The following DLG2 variants were observed in gnomAD, a reference collection of about 807,000 sequenced individuals.
DLG2 encodes the protein discs large MAGUK scaffold protein 2.
In DLG2, 45 loss-of-function variants were observed where a neutral mutation model predicts 132.5. The ratio of observed to expected loss-of-function variants is 0.34; its 90% CI spans 0.27 to 0.44. The LOEUF (loss-of-function observed/expected upper bound fraction) is 0.44. DLG2 is among the 20% of genes least tolerant of loss of function. DLG2 has a pLI of 1.00. For synonymous variants in DLG2, 424 were observed against 419.6 expected (o/e 1.01, Z -0.13); for missense variants, 1,045 against 1,196.9 (o/e 0.87, Z 1.87).
At chr11:85,297,820 G>A (rs895833609) in intron 3 of DLG2, among the ~76,000 whole-genome samples, 1 of 152,154 alleles carries the variant, frequency 6.6e-6, no homozygotes, top group Non-Finnish European at 1.5e-5. Context: ...GCAGACCACA[G>A]CAGAGTTACA....
intron 3 of DLG2, among the ~76,000 whole-genome samples, chr11:85,397,610 A>G (rs139728664): frequency 0.018 from 2,746 of 152,322 alleles, 50 homozygotes; most frequent in Admixed American, 0.036. Flanking sequence ...GAAAGCAAAA[A>G]AAAGCAGGAG....
chr11:84,304,086 T>G (rs541728567), intron 7 of DLG2, among the ~76,000 whole-genome samples: 4 of 152,252 alleles, frequency 2.6e-5, no homozygotes, highest in African/African-American at 9.6e-5. Context: ...TGGTAAAAAG[T>G]GATAAATTGT....
intron 18 of DLG2, among the ~76,000 whole-genome samples, chr11:83,738,566 A>T (rs1229848789): frequency 6.6e-6 from 1 of 152,116 alleles, no homozygotes. Context: ...AAACAGCAGG[A>T]GATACAGTCA....
intron 6 of DLG2, among the ~76,000 whole-genome samples, chr11:84,947,311 C>T (rs565794749): frequency 1.3e-5 from 2 of 152,280 alleles, no homozygotes; most frequent in African/African-American, 4.8e-5. Context: ...GGCCATCTTG[C>T]ACCACTGCCT....
Position 83,459,092 on chromosome 11 carries a change from T to C in DLG2, c.*726A>G, listed in dbSNP as rs1296732654. The C allele has an allele frequency of 6.6e-6, 1 of 150,746 alleles. No individual in the cohort carries two copies. Among genetic ancestry groups the C allele is most frequent in the Admixed American group, 6.5e-5 (1 of 15,268 alleles). The allele number at this position is 150,746 out of a possible 1,614,324, so 9.3% of individuals were successfully genotyped here. On this transcript the variant is annotated 3_prime_UTR_variant, in exon 28 of 28. Coordinates refer to ENST00000376104, the MANE Select transcript of DLG2 (RefSeq NM_001142699.3). Reference sequence around the variant, plus strand: ...ACCTATAGAAATTTGTTTCTATACATTTAATATATTTTTATTGTATAAATT... The same window carrying C: ...ACCTATAGAAATTTGTTTCTATACACTTAATATATTTTTATTGTATAAATT...
chr11:85,279,349 G>C (rs2078090445), intron 4 of DLG2, among the ~76,000 whole-genome samples: 1 of 152,068 alleles, frequency 6.6e-6, no homozygotes, highest in Non-Finnish European at 1.5e-5. Context: ...ATAAGGAGAG[G>C]GGAGGGAAGG....
At chr11:85,621,021 G>T (rs1466418141) in intron 2 of DLG2, among the ~76,000 whole-genome samples, 1 of 152,162 alleles carries the variant, frequency 6.6e-6, no homozygotes, top group Admixed American at 6.5e-5. Flanking sequence ...AGGCTAATGG[G>T]TGAATGTAGC....
intron 19 of DLG2, among the ~76,000 whole-genome samples, chr11:83,543,805 C>T (rs1273511161): frequency 6.6e-6 from 1 of 152,026 alleles, no homozygotes; most frequent in South Asian, 2.1e-4. Flanking sequence ...CTACTCTGTG[C>T]AAAAAGGAGT....
chr11:85,016,963 G>T (rs2059625962), intron 6 of DLG2, among the ~76,000 whole-genome samples: 1 of 152,078 alleles, frequency 6.6e-6, no homozygotes, highest in African/African-American at 2.4e-5. Flanking sequence ...GGTCAAATCT[G>T]GCTTGCTACA....
chr11:84,925,915 A>G (rs986111780), intron 6 of DLG2, among the ~76,000 whole-genome samples: 1 of 152,154 alleles, frequency 6.6e-6, no homozygotes, highest in Admixed American at 6.5e-5. Flanking sequence ...TTTGCATAAT[A>G]TTGGAATACA....
At position 83,633,212 on chromosome 11, in the gene DLG2, T is replaced by G; in HGVS notation, c.1939A>C (p.Arg647=). 1 of 1,613,452 alleles carries G rather than the reference T, an allele frequency of 6.2e-7. No individual in the cohort carries two copies. Residue 647 remains arginine (R), a splice_region_variant and synonymous_variant, in exon 19 of 28, where the codon AGA becomes CGA. Coordinates refer to ENST00000376104, the MANE Select transcript of DLG2 (RefSeq NM_001142699.3). ...RTNQKRSLYV[R]AMFDYDKSKD... is the part of the protein sequence containing the mutation. ...ATAGAGAAATACTCCTTTGCCTACCTGACGTAGAGGGAGCGTTTCTGATTG... is the reference window on the plus strand; with the variant it reads ...ATAGAGAAATACTCCTTTGCCTACCGGACGTAGAGGGAGCGTTTCTGATTG...
At position 85,154,536 on chromosome 11, in the gene DLG2, G is replaced by A; in HGVS notation, c.282+20C>T. On this transcript the variant is annotated intron_variant, in intron 5 of 27. Transcript: ENST00000376104. ...TTACCCATGAAGCCTAGTAAGAAAA[G>A]AAAACAGTATAACACTTACAGTTGT... 2 of 1,236,318 alleles carry A rather than the reference G, an allele frequency of 1.6e-6. No individual in the cohort carries two copies. The highest frequency in any genetic ancestry group is 2.3e-6 in the Non-Finnish European group (2 of 870,826). 76.6% of individuals were successfully genotyped at this position (1,236,318 alleles called of 1,614,324 possible). A position where few individuals can be genotyped will look rare whatever the true frequency, so the allele number is the denominator to read the frequency against.
chr11:83,894,371 T>C (rs1204652071), intron 15 of DLG2, among the ~76,000 whole-genome samples: 2 of 152,120 alleles, frequency 1.3e-5, no homozygotes, highest in South Asian at 2.1e-4. Context: ...AAAAATAGAC[T>C]GAACACTATT....
At chr11:84,097,554 C>T (rs531688485) in intron 10 of DLG2, among the ~76,000 whole-genome samples, 2 of 152,294 alleles carry the variant, frequency 1.3e-5, no homozygotes, top group African/African-American at 4.8e-5. Context: ...TGCAAAATCT[C>T]CATTGCAGTG....
chr11:83,559,439 T>A (rs749677872), intron 19 of DLG2, among the ~76,000 whole-genome samples: 42 of 152,126 alleles, frequency 2.8e-4, no homozygotes, highest in Non-Finnish European at 7.4e-5. Context: ...TCAATGAAGG[T>A]ACTTTGTTTT....
intron 19 of DLG2, among the ~76,000 whole-genome samples, chr11:83,578,325 C>A: frequency 6.6e-6 from 1 of 151,560 alleles, no homozygotes; most frequent in South Asian, 2.1e-4. Flanking sequence ...AACAATTATC[C>A]AGTAAACCTC....
chr11:85,268,202 T>C (rs964124153), intron 4 of DLG2, among the ~76,000 whole-genome samples: 5 of 152,172 alleles, frequency 3.3e-5, no homozygotes, highest in African/African-American at 1.2e-4. Context: ...AGCTAGGAAC[T>C]GCTCAGCGAA....
intron 8 of DLG2, among the ~76,000 whole-genome samples, chr11:84,230,650 A>T (rs2097079061): frequency 6.6e-6 from 1 of 152,204 alleles, no homozygotes; most frequent in Non-Finnish European, 1.5e-5. Context: ...ATACATGATC[A>T]ACTCCATATG....
intron 3 of DLG2, chr11:85,286,216 C>T: frequency 8.4e-6 from 3 of 358,178 alleles, no homozygotes; most frequent in South Asian, 6.4e-5. Flanking sequence ...ATTCTGAAAA[C>T]ACAATACATG....
Sources: allele counts gnomAD v4.1 joint callset (sites outside exome capture counted in the v4.1 genomes callset), GRCh38; gene constraint gnomAD v4.1.1; transcripts MANE v1.5; gene names NCBI Gene and HGNC (gene_info 2026-07-23, HGNC 2026-07-21).